Variants in RBFOX1 observed in about 807,000 individuals in gnomAD.
The protein encoded by RBFOX1 is RNA binding protein fox-1 homolog 1.
In RBFOX1, 8 loss-of-function variants were observed where a neutral mutation model predicts 57.7. That is an observed-to-expected ratio of 0.14 (90% CI 0.08 to 0.25). RBFOX1 has a LOEUF of 0.25. Among genes scored for constraint, RBFOX1 ranks in the 10% least tolerant of loss-of-function variants. RBFOX1 has a pLI of 1.00. For missense variants in RBFOX1, 611 were observed against 548.5 expected (o/e 1.11, Z -1.14); for synonymous variants, 326 against 222.4 (o/e 1.47, Z -4.15).
chr16:6,982,960 C>G (rs1180633634), intron 3 of RBFOX1, among the ~76,000 whole-genome samples: 6 of 144,024 alleles, frequency 4.2e-5, no homozygotes, highest in African/African-American at 1.6e-4. Context: ...TGCCATTGTG[C>G]TCCAGCCTGG....
chr16:6,497,085 C>G (rs938474602), intron 2 of RBFOX1, among the ~76,000 whole-genome samples: 1 of 152,184 alleles, frequency 6.6e-6, no homozygotes, highest in African/African-American at 2.4e-5. Context: ...AAGTCATTGT[C>G]TCCATTTTAC....
chr16:7,170,571 A>T (rs373687163), intron 4 of RBFOX1, among the ~76,000 whole-genome samples: 2 of 152,200 alleles, frequency 1.3e-5, no homozygotes, highest in African/African-American at 2.4e-5. Context: ...AGCACTTTCC[A>T]TGTGAGAAAC....
intron 3 of RBFOX1, among the ~76,000 whole-genome samples, chr16:6,861,214 G>T (rs774870660): frequency 3.3e-4 from 50 of 152,172 alleles, no homozygotes; most frequent in Non-Finnish European, 6.5e-4. Flanking sequence ...AGTTACCGCT[G>T]TGTCTGTGTG....
intron 3 of RBFOX1, among the ~76,000 whole-genome samples, chr16:6,810,335 G>A (rs1603627620): frequency 6.6e-6 from 1 of 152,110 alleles, no homozygotes; most frequent in African/African-American, 2.4e-5. Flanking sequence ...GGCCGTACAG[G>A]AGGCTTCCGT....
At chr16:5,898,838 T>C (rs1039792921) in intron 4 of RBFOX1, among the ~76,000 whole-genome samples, 1 of 151,578 alleles carries the variant, frequency 6.6e-6, no homozygotes, top group Non-Finnish European at 1.5e-5. Context: ...GAAGGGAACA[T>C]TGCTTGAGGC....
intron 4 of RBFOX1, among the ~76,000 whole-genome samples, chr16:7,500,781 T>G (rs949786330): frequency 6.6e-6 from 1 of 152,194 alleles, no homozygotes; most frequent in African/African-American, 2.4e-5. Flanking sequence ...TCCCATGATA[T>G]GGTTTGTCAG....
chr16:7,101,009 A>G (rs947349274), intron 4 of RBFOX1, among the ~76,000 whole-genome samples: 1 of 152,200 alleles, frequency 6.6e-6, no homozygotes, highest in African/African-American at 2.4e-5. Context: ...TAGTGAAAAA[A>G]TGTTGCATAC....
intron 4 of RBFOX1, among the ~76,000 whole-genome samples, chr16:7,238,690 G>A (rs1266997564): frequency 1.3e-5 from 2 of 152,062 alleles, no homozygotes; most frequent in Non-Finnish European, 2.9e-5. Context: ...TTGTTACATA[G>A]GTAAACTTGT....
intron 4 of RBFOX1, among the ~76,000 whole-genome samples, chr16:7,085,500 T>C (rs966121705): frequency 6.6e-6 from 1 of 152,158 alleles, no homozygotes; most frequent in African/African-American, 2.4e-5. Context: ...ATTTGACCGA[T>C]TCACCACCAC....
chr16:6,092,085 G>C (rs2096183683), intron 1 of RBFOX1, among the ~76,000 whole-genome samples: 1 of 152,126 alleles, frequency 6.6e-6, no homozygotes, highest in South Asian at 2.1e-4. Flanking sequence ...AATCCTTCTG[G>C]AGTTCCACAT....
chr16:6,835,826 C>G (rs900724513), intron 3 of RBFOX1, among the ~76,000 whole-genome samples: 1 of 145,930 alleles, frequency 6.9e-6, no homozygotes, highest in Non-Finnish European at 1.5e-5. Context: ...GATGGATGGA[C>G]AGTTCTACTC....
At chr16:6,377,458 G>A (rs1419752283) in intron 2 of RBFOX1, among the ~76,000 whole-genome samples, 1 of 152,086 alleles carries the variant, frequency 6.6e-6, no homozygotes. Flanking sequence ...AGTGTACAAG[G>A]CAGTACACAT....
intron 3 of RBFOX1, among the ~76,000 whole-genome samples, chr16:6,760,894 G>T (rs2076508430): frequency 6.6e-6 from 1 of 152,108 alleles, no homozygotes; most frequent in Non-Finnish European, 1.5e-5. Flanking sequence ...GGACTCTAAT[G>T]GATAGATCTT....
intron 4 of RBFOX1, among the ~76,000 whole-genome samples, chr16:7,135,869 A>C (rs573306549): frequency 2.0e-5 from 3 of 152,218 alleles, no homozygotes; most frequent in Non-Finnish European, 4.4e-5. Flanking sequence ...GAATAATTCA[A>C]AGAAAGCTCT....
At chr16:5,832,700 T>G (rs2056321682) in intron 3 of RBFOX1, among the ~76,000 whole-genome samples, 1 of 152,178 alleles carries the variant, frequency 6.6e-6, no homozygotes, top group Admixed American at 6.5e-5. Context: ...TCCAGAGGCC[T>G]TTTCATTGGG....
chr16:5,771,883 G>C lies in RBFOX1; in HGVS notation c.319-95420G>C, dbSNP rs1017509915. 2.0e-5 allele frequency among the ~76,000 whole-genome samples: 3 copies of C among 151,600 alleles called. No homozygotes were observed. In the South Asian group the frequency reaches 6.2e-4, roughly 31 times the overall value. The stretch of plus-strand genomic sequence containing the variant: ...AATCAGTATGGTACCTTTTAAAAAG[G>C]CTAGTTTGGGCTGGGCACAGTGGCT... On this transcript the variant is annotated intron_variant, in intron 3 of 19. Coordinates refer to the RBFOX1 transcript ENST00000641259.
chr16:7,296,511 G>A (rs963077478), intron 4 of RBFOX1, among the ~76,000 whole-genome samples: 1 of 152,036 alleles, frequency 6.6e-6, no homozygotes, highest in Admixed American at 6.6e-5. Flanking sequence ...GCTACCATTG[G>A]CCCCATTTTA....
chr16:5,623,842 G>A (rs908785813), intron 3 of RBFOX1, among the ~76,000 whole-genome samples: 1 of 152,048 alleles, frequency 6.6e-6, no homozygotes, highest in Non-Finnish European at 1.5e-5. Context: ...TTGGAAAAAC[G>A]GCTCTATTGA....
At chr16:5,678,629 T>C (rs1287200595) in intron 3 of RBFOX1, among the ~76,000 whole-genome samples, 1 of 152,182 alleles carries the variant, frequency 6.6e-6, no homozygotes, top group Non-Finnish European at 1.5e-5. Context: ...CACAGGAATC[T>C]ATTATGCGGC....
Sources: allele counts gnomAD v4.1 joint callset (sites outside exome capture counted in the v4.1 genomes callset), GRCh38; gene constraint gnomAD v4.1.1; transcripts MANE v1.5; gene names NCBI Gene and HGNC (gene_info 2026-07-23, HGNC 2026-07-21).